Variants in SORCS1 observed in about 807,000 individuals in gnomAD.
SORCS1 encodes sortilin related VPS10 domain containing receptor 1.
A neutral mutation model predicts 146.1 loss-of-function variants in SORCS1; 60 were observed. The observed-to-expected ratio is 0.41, with a 90% CI of 0.33 to 0.51. The LOEUF (loss-of-function observed/expected upper bound fraction) is 0.51. Among genes scored for constraint, SORCS1 ranks in the 20% least tolerant of loss-of-function variants. SORCS1 has a pLI of 0.21. For missense variants in SORCS1, 1,352 were observed against 1,487.6 expected (o/e 0.91, Z 1.50); for synonymous variants, 637 against 584.0 (o/e 1.09, Z -1.31).
chr10:107,138,443 T>A (rs982202634), intron 1 of SORCS1, among the ~76,000 whole-genome samples: 1 of 152,194 alleles, frequency 6.6e-6, no homozygotes, highest in African/African-American at 2.4e-5. Context: ...TCCCCTCCTA[T>A]TTTTCCTTGC....
chr10:106,757,436 G>A (rs955140529), intron 5 of SORCS1, among the ~76,000 whole-genome samples: 1 of 152,142 alleles, frequency 6.6e-6, no homozygotes, highest in African/African-American at 2.4e-5. Context: ...TAGCCCCATA[G>A]TTCCTACATA....
rs185301361 is a variant in SORCS1, at chr10:106,842,020, G to A, written c.627-12347C>T. Among the ~76,000 whole-genome samples the A allele has an allele frequency of 1.4e-3, 206 of 152,308 alleles. 2 individuals carry two copies. Among genetic ancestry groups the A allele is most frequent in the Admixed American group, 0.01 (157 of 15,298 alleles). On this transcript the variant is annotated intron_variant, in intron 2 of 25. Coordinates refer to ENST00000263054, the MANE Select transcript of SORCS1 (RefSeq NM_052918.5). The stretch of plus-strand genomic sequence containing the variant: ...TGCCAAACTGTCTCCCAAAGTGACT[G>A]TATCATTTTGCATTCTGACCAGCAG...
chr10:107,043,909 T>C (rs192455461), intron 1 of SORCS1, among the ~76,000 whole-genome samples: 11 of 152,218 alleles, frequency 7.2e-5, no homozygotes, highest in African/African-American at 2.7e-4. Flanking sequence ...CCTGCTCACT[T>C]CACGTCTAGG....
intron 5 of SORCS1, among the ~76,000 whole-genome samples, chr10:106,745,161 G>A (rs1305310116): frequency 6.6e-6 from 1 of 152,120 alleles, no homozygotes; most frequent in Non-Finnish European, 1.5e-5. Flanking sequence ...GTTCACACCT[G>A]TAATCCCAGC....
intron 18 of SORCS1, among the ~76,000 whole-genome samples, chr10:106,639,864 A>G (rs567583720): frequency 6.6e-6 from 1 of 152,188 alleles, no homozygotes; most frequent in South Asian, 2.1e-4. Context: ...CTAAATATAC[A>G]AAAATTACCT....
At chr10:106,666,850 C>T (rs1175141474) in intron 17 of SORCS1, among the ~76,000 whole-genome samples, 1 of 152,042 alleles carries the variant, frequency 6.6e-6, no homozygotes, top group Non-Finnish European at 1.5e-5. Flanking sequence ...GGACTACAGG[C>T]GTGAGCCACT....
chr10:106,698,598 T>C (rs1264443301), intron 9 of SORCS1, among the ~76,000 whole-genome samples: 3 of 152,246 alleles, frequency 2.0e-5, no homozygotes, highest in Non-Finnish European at 1.5e-5. Flanking sequence ...TGATTTTCTT[T>C]TGAATCTTGG....
intron 23 of SORCS1, among the ~76,000 whole-genome samples, chr10:106,605,714 C>T (rs1019767655): frequency 7.9e-5 from 12 of 152,246 alleles, no homozygotes; most frequent in African/African-American, 2.9e-4. Flanking sequence ...TTACCTGCTG[C>T]CCACCCTTCA....
At chr10:106,829,721 G>A (rs548793711) in intron 2 of SORCS1, 48 bp from the exon 3 acceptor site, 23 of 1,456,094 alleles carry the variant, frequency 1.6e-5, no homozygotes, top group Non-Finnish European at 2.0e-5. Context: ...TATGTCATTT[G>A]GCTGCTTGTC....
chr10:106,888,712 A>G lies in SORCS1; in HGVS notation c.627-59039T>C, dbSNP rs557670087. 2.6e-5 allele frequency among the ~76,000 whole-genome samples: 4 copies of G among 152,354 alleles called. No homozygotes were observed. The South Asian group carries it at 8.3e-4, about 32-fold the overall frequency. ...ACTCTCCAACTGGAATGAATATCCTATTTGCATGTCAAAAGATAAATATAA... is the reference window on the plus strand; with the variant it reads ...ACTCTCCAACTGGAATGAATATCCTGTTTGCATGTCAAAAGATAAATATAA... On this transcript the variant is annotated intron_variant, in intron 2 of 25. Coordinates refer to ENST00000263054, the MANE Select transcript of SORCS1 (RefSeq NM_052918.5).
At chr10:106,711,976 T>C (rs1332555540) in intron 6 of SORCS1, among the ~76,000 whole-genome samples, 1 of 152,138 alleles carries the variant, frequency 6.6e-6, no homozygotes, top group Non-Finnish European at 1.5e-5. Flanking sequence ...TGAATTCTGG[T>C]GTGGTTTATT....
At chr10:107,050,983 T>C (rs1288462689) in intron 1 of SORCS1, among the ~76,000 whole-genome samples, 1 of 152,102 alleles carries the variant, frequency 6.6e-6, no homozygotes, top group African/African-American at 2.4e-5. Flanking sequence ...CTGTGTGACA[T>C]AAAGTTTTCT....
intron 2 of SORCS1, among the ~76,000 whole-genome samples, chr10:106,843,532 C>T (rs558164650): frequency 6.7e-6 from 1 of 149,068 alleles, no homozygotes; most frequent in Non-Finnish European, 1.5e-5. Flanking sequence ...CCCAGGTTCA[C>T]GCCATTCTCC....
Position 107,054,906 on chromosome 10 carries a change from T to C in SORCS1, c.559-98326A>G, listed in dbSNP as rs957313587. ...TAGGTAAAGATAAAGTGGTATCACATTTGTTGAGCCCTCATCAATACGACA... is the reference window on the plus strand; with the variant it reads ...TAGGTAAAGATAAAGTGGTATCACACTTGTTGAGCCCTCATCAATACGACA... On this transcript the variant is annotated intron_variant, in intron 1 of 25. Transcript: ENST00000263054. Among the ~76,000 whole-genome samples the C allele has an allele frequency of 3.9e-5, 6 of 152,338 alleles. No homozygotes were observed. The East Asian group carries it at 9.6e-4, about 24-fold the overall frequency.
intron 17 of SORCS1, among the ~76,000 whole-genome samples, chr10:106,657,693 T>TA (rs1850411418): frequency 1.5e-5 from 2 of 130,946 alleles, no homozygotes; most frequent in Admixed American, 7.5e-5. Flanking sequence ...GTGTGTGTAT[T>TA]TTTTTCAAGA....
chr10:106,721,509 TTAAA>T (rs1427421591), intron 6 of SORCS1, among the ~76,000 whole-genome samples: 16 of 152,186 alleles, frequency 1.1e-4, no homozygotes, highest in South Asian at 2.1e-4. Context: ...TCACTCCTAA[TTAAA>T]TAAATACAGA....
chr10:106,708,445 G>T (rs926214637), intron 7 of SORCS1, among the ~76,000 whole-genome samples: 3 of 152,030 alleles, frequency 2.0e-5, no homozygotes, highest in Non-Finnish European at 4.4e-5. Flanking sequence ...TTATATATAC[G>T]TATAAGCTAT....
Position 106,858,995 on chromosome 10 carries a change from G to A in SORCS1, c.627-29322C>T, listed in dbSNP as rs78314982. On this transcript the variant is annotated intron_variant, in intron 2 of 25. Coordinates refer to ENST00000263054, the MANE Select transcript of SORCS1 (RefSeq NM_052918.5). ...ATTTCTGCTGTGGCTAGAACTTGTT[G>A]CAGTAGTCCAGGTAAATTTACTAGC... 3.0e-4 allele frequency among the ~76,000 whole-genome samples: 46 copies of A among 152,300 alleles called. 1 individual carries two copies. The East Asian group carries it at 8.9e-3, about 29-fold the overall frequency.
intron 5 of SORCS1, among the ~76,000 whole-genome samples, chr10:106,742,519 A>G (rs535252036): frequency 4.6e-5 from 7 of 152,224 alleles, no homozygotes; most frequent in Admixed American, 3.3e-4. Context: ...GGCTGGGACT[A>G]TAGGCGCATG....
Sources: allele counts gnomAD v4.1 joint callset (sites outside exome capture counted in the v4.1 genomes callset), GRCh38; gene constraint gnomAD v4.1.1; transcripts MANE v1.5; gene names NCBI Gene and HGNC (gene_info 2026-07-23, HGNC 2026-07-21).